Variants in IGSF21 observed in about 807,000 individuals in gnomAD.
IGSF21 encodes the protein immunoglobulin superfamily member 21.
In IGSF21, 28 loss-of-function variants were observed where a neutral mutation model predicts 46.8. That is an observed-to-expected ratio of 0.60 (90% CI 0.44 to 0.82). IGSF21 has a LOEUF of 0.82. Ranked by LOEUF, IGSF21 falls within the 40% of genes least tolerant of loss-of-function variation. The pLI, the probability that IGSF21 is intolerant of heterozygous loss-of-function variation, is 0.00. For synonymous variants in IGSF21, 284 were observed against 273.6 expected, an observed-to-expected ratio of 1.04 and a Z score of -0.38; for missense variants, 624 against 665.5, an observed-to-expected ratio of 0.94 and a Z score of 0.69.
intron 2 of IGSF21, among the ~76,000 whole-genome samples, chr1:18,245,325 C>A (rs1429181583): frequency 6.6e-6 from 1 of 152,108 alleles, no homozygotes; most frequent in African/African-American, 2.4e-5. Flanking sequence ...CTTTAATTTA[C>A]TAATGTAATG....
intron 4 of IGSF21, among the ~76,000 whole-genome samples, chr1:18,355,372 A>G (rs969947001): frequency 6.6e-6 from 1 of 152,232 alleles, no homozygotes; most frequent in African/African-American, 2.4e-5. Context: ...AAGACAGGCA[A>G]TATTTCGGAG....
chr1:18,340,499 T>C (rs898538988), intron 4 of IGSF21, among the ~76,000 whole-genome samples: 3 of 152,234 alleles, frequency 2.0e-5, no homozygotes, highest in African/African-American at 7.2e-5. Flanking sequence ...CTAGGTGCTG[T>C]GGATACACTG....
intron 1 of IGSF21, among the ~76,000 whole-genome samples, chr1:18,123,034 C>T (rs1285679455): frequency 2.6e-5 from 4 of 152,140 alleles, no homozygotes; most frequent in African/African-American, 7.2e-5. Context: ...TTGGAAAATA[C>T]CAGTTTGGTA....
At chr1:18,344,934 G>T (rs534229202) in intron 4 of IGSF21, among the ~76,000 whole-genome samples, 58 of 152,200 alleles carry the variant, frequency 3.8e-4, no homozygotes, top group Non-Finnish European at 6.0e-4. Flanking sequence ...GGGGAAGCGA[G>T]GAGGCTGCAG....
chr1:18,216,936 G>A (rs1414805510), intron 1 of IGSF21, among the ~76,000 whole-genome samples: 2 of 152,184 alleles, frequency 1.3e-5, no homozygotes, highest in African/African-American at 4.8e-5. Context: ...TAGGGTATTT[G>A]TCTTCATGAG....
At chr1:18,225,402 C>A (rs942035198) in intron 1 of IGSF21, among the ~76,000 whole-genome samples, 77 of 152,210 alleles carry the variant, frequency 5.1e-4, no homozygotes, top group Admixed American at 2.8e-3. Flanking sequence ...TACTTGCCCT[C>A]CCCGCCACCG....
intron 6 of IGSF21, among the ~76,000 whole-genome samples, chr1:18,369,529 G>A (rs1233591829): frequency 6.6e-6 from 1 of 152,204 alleles, no homozygotes; most frequent in East Asian, 1.9e-4. Context: ...TCAGGGCTGT[G>A]GTGAGACGTC....
At chr1:18,291,344 G>C (rs2085264537) in intron 2 of IGSF21, among the ~76,000 whole-genome samples, 1 of 152,218 alleles carries the variant, frequency 6.6e-6, no homozygotes, top group Non-Finnish European at 1.5e-5. Context: ...CCCGTGCCGG[G>C]ATGTTGGATT....
intron 1 of IGSF21, among the ~76,000 whole-genome samples, chr1:18,199,627 C>T (rs375855055): frequency 1.3e-5 from 2 of 152,120 alleles, no homozygotes; most frequent in South Asian, 2.1e-4. Flanking sequence ...TGCCTCTCCT[C>T]GGTGGCTGCG....
chr1:18,373,232 C>T (rs891426762), intron 6 of IGSF21, among the ~76,000 whole-genome samples: 2 of 152,170 alleles, frequency 1.3e-5, no homozygotes, highest in African/African-American at 2.4e-5. Flanking sequence ...AAGTAGAGGG[C>T]TAGGTGTCAA....
rs968295262 is a variant in IGSF21 at position 18,322,252 on chromosome 1, C to T, written c.306-12640C>T. ...GAACTCAAGGGCGAGGGACCTGATG[C>T]TGACCTTGCCCACAGTAGGGGCACA... On this transcript the variant is annotated intron_variant, in intron 3 of 9. Transcript: ENST00000251296. The surrounding 1 kb of genome is among the most constrained non-coding windows in gnomAD (Gnocchi z 4.3). Among the ~76,000 whole-genome samples the T allele has an allele frequency of 5.9e-5, 9 of 152,208 alleles. No individual in the cohort carries two copies. Among genetic ancestry groups the T allele is most frequent in the Admixed American group, 5.9e-4 (9 of 15,296 alleles).
At chr1:18,146,792 C>T (rs76705956) in intron 1 of IGSF21, among the ~76,000 whole-genome samples, 44 of 152,252 alleles carry the variant, frequency 2.9e-4, no homozygotes, top group Non-Finnish European at 5.7e-4. Context: ...CCATCTCTGT[C>T]TTCATGTTCT....
chr1:18,262,939 C>A (rs1330950524), intron 2 of IGSF21, among the ~76,000 whole-genome samples: 1 of 152,238 alleles, frequency 6.6e-6, no homozygotes, highest in African/African-American at 2.4e-5. Context: ...GCATTGGCCG[C>A]TTCCCCTTCC....
intron 1 of IGSF21, among the ~76,000 whole-genome samples, chr1:18,168,980 G>A (rs774853151): frequency 4.3e-4 from 66 of 152,332 alleles, no homozygotes; most frequent in Non-Finnish European, 8.2e-4. Flanking sequence ...GAAATCAGGA[G>A]TAGGGGGCTC....
At chr1:18,117,751 C>T (rs2086199975) in intron 1 of IGSF21, among the ~76,000 whole-genome samples, 1 of 152,190 alleles carries the variant, frequency 6.6e-6, no homozygotes, top group African/African-American at 2.4e-5. Flanking sequence ...GGCAGGTTTC[C>T]CCATGTGGAT....
intron 1 of IGSF21, among the ~76,000 whole-genome samples, chr1:18,196,488 C>G (rs777201785): frequency 3.9e-5 from 6 of 152,150 alleles, no homozygotes; most frequent in Non-Finnish European, 5.9e-5. Flanking sequence ...TAGATGTCAG[C>G]AGGAGAGCCC....
At chr1:18,346,476 C>T (rs1227692975) in intron 4 of IGSF21, among the ~76,000 whole-genome samples, 2 of 152,038 alleles carry the variant, frequency 1.3e-5, no homozygotes, top group African/African-American at 2.4e-5. Flanking sequence ...AGAACAGAGA[C>T]GATAGGAGCC....
At chr1:18,161,292 C>A (rs2086619793) in intron 1 of IGSF21, among the ~76,000 whole-genome samples, 1 of 152,128 alleles carries the variant, frequency 6.6e-6, no homozygotes, top group Admixed American at 6.5e-5. Context: ...GCAGGTGCTT[C>A]TCTAGGCACT....
chr1:18,326,768 T>C (rs1279181353), intron 3 of IGSF21, among the ~76,000 whole-genome samples: 1 of 152,108 alleles, frequency 6.6e-6, no homozygotes, highest in Non-Finnish European at 1.5e-5. Context: ...GGGCCACATC[T>C]GAGTTTGCAG....
Sources: allele counts gnomAD v4.1 joint callset (sites outside exome capture counted in the v4.1 genomes callset), GRCh38; gene constraint gnomAD v4.1.1; non-coding constraint Gnocchi (gnomAD v3.1); transcripts MANE v1.5; gene names NCBI Gene and HGNC (gene_info 2026-07-23, HGNC 2026-07-21).